The following VPS37B variants were observed in gnomAD, a reference collection of about 807,000 sequenced individuals.
The protein encoded by VPS37B is vacuolar protein sorting-associated protein 37B.
VPS37B carries 11 observed loss-of-function variants against 21.2 expected under a neutral mutation model. The observed-to-expected ratio is 0.52, with a 90% CI of 0.33 to 0.86. The LOEUF (loss-of-function observed/expected upper bound fraction) is 0.86. Ranked by LOEUF, VPS37B falls within the 40% of genes least tolerant of loss-of-function variation. The probability of loss-of-function intolerance (pLI) is 0.03; values close to 1 mark genes in which losing one functional copy is unlikely to be tolerated. For missense variants in VPS37B, 389 were observed against 374.8 expected, an observed-to-expected ratio of 1.04 and a Z score of -0.31; for synonymous variants, 175 against 159.6, an observed-to-expected ratio of 1.10 and a Z score of -0.73.
rs2033904706 is a variant in VPS37B, at chr12:122,866,633, A to C, written c.*483T>G. ...ATTCAGTGAGCAACAACGCAGCCAC[A>C]GGTGGTGGCCCAGCCACGGCGCTCT... On this transcript the variant is annotated 3_prime_UTR_variant, in exon 4 of 4. Coordinates refer to ENST00000267202, the MANE Select transcript of VPS37B (RefSeq NM_024667.3). The C allele has an allele frequency of 6.5e-6, 1 of 153,068 alleles. No individual in the cohort carries two copies. 9.5% of individuals were successfully genotyped at this position (153,068 alleles called of 1,614,324 possible). A position where few individuals can be genotyped will look rare whatever the true frequency, so the allele number is the denominator to read the frequency against.
At chr12:122,869,109 G>A (rs951294136) in intron 2 of VPS37B, among the ~76,000 whole-genome samples, 1 of 152,218 alleles carries the variant, frequency 6.6e-6, no homozygotes, top group African/African-American at 2.4e-5. Context: ...CCCTGCTCAG[G>A]TCTGTGAATC....
At chr12:122,893,360 G>A (rs1325784209) in intron 1 of VPS37B, among the ~76,000 whole-genome samples, 1 of 152,198 alleles carries the variant, frequency 6.6e-6, no homozygotes, top group Non-Finnish European at 1.5e-5. Flanking sequence ...GGCAGGTGAA[G>A]TGACTTGCCT....
chr12:122,870,866 G>C (rs375877214), intron 2 of VPS37B, 24 bp downstream of exon 2: 1 of 1,593,766 alleles, frequency 6.3e-7, no homozygotes, highest in Non-Finnish European at 8.6e-7. Context: ...CTTTATTCTC[G>C]AATGATCACC....
chr12:122,876,124 A>G (rs1425618520), intron 1 of VPS37B: 1 of 152,234 alleles, frequency 6.6e-6, no homozygotes, highest in Non-Finnish European at 1.5e-5. Flanking sequence ...TGGCTTGTCT[A>G]AACTTATTTC....
At chr12:122,882,052 A>G (rs769840182) in intron 1 of VPS37B, 1 of 152,232 alleles carries the variant, frequency 6.6e-6, no homozygotes, top group Non-Finnish European at 1.5e-5. Flanking sequence ...AATCACATTT[A>G]GCAAAATTCA....
In VPS37B at chr12:122,867,857, C is replaced by T. The variant is rs1022655615; in HGVS notation, c.367-250G>A. 1.3e-5 allele frequency among the ~76,000 whole-genome samples: 2 copies of T among 152,226 alleles called. No individual in the cohort carries two copies. Among genetic ancestry groups the T allele is most frequent in the African/African-American group, 4.8e-5 (2 of 41,462 alleles). ...ACCACCAGCGTGACAGGCAGAGGAG[C>T]TGGCCTTTGGGTGAGGGCTCCGACT... On this transcript the variant is annotated intron_variant, in intron 3 of 3. Coordinates refer to ENST00000267202, the MANE Select transcript of VPS37B (RefSeq NM_024667.3). This position sits in a 1 kb window ranked among gnomAD's most constrained non-coding sequence, Gnocchi z 5.5.
At chr12:122,870,650 CACCTGAGCCCAGGAGGTCG>C in intron 2 of VPS37B, 1 of 377,314 alleles carries the variant, frequency 2.7e-6, no homozygotes. Flanking sequence ...ACAGGAGGAT[CACCTGAGCCCAGGAGGTCG>C]TGCTGAGCCA....
At chr12:122,875,945 G>C (rs190896133) in intron 1 of VPS37B, 1 of 151,624 alleles carries the variant, frequency 6.6e-6, no homozygotes, top group African/African-American at 2.4e-5. Context: ...CCAACCTCTT[G>C]ATCATTCTCA....
At position 122,895,838 on chromosome 12, in the gene VPS37B, A is replaced by T. The variant is rs2034484177; in HGVS notation, c.111+114T>A. ...CCCCAAGCGCCCCCATTTCTAGCCCAGTCCCCTCAACACGACCGGAGGCGC... is the reference window on the plus strand; with the variant it reads ...CCCCAAGCGCCCCCATTTCTAGCCCTGTCCCCTCAACACGACCGGAGGCGC... On this transcript the variant is annotated intron_variant, in intron 1 of 3. Coordinates refer to ENST00000267202, the MANE Select transcript of VPS37B (RefSeq NM_024667.3). The T allele has an allele frequency of 8.6e-6, 7 of 818,084 alleles. No homozygotes were observed. In the Admixed American group the frequency reaches 1.5e-4, roughly 18 times the overall value. The allele number at this position is 818,084 out of a possible 1,614,324, so 50.7% of individuals were successfully genotyped here. A position where few individuals can be genotyped will look rare whatever the true frequency, so the allele number is the denominator to read the frequency against.
intron 1 of VPS37B, chr12:122,879,355 T>A (rs1222100314): frequency 6.6e-6 from 1 of 152,438 alleles, no homozygotes; most frequent in East Asian, 1.9e-4. Flanking sequence ...GATTCAGCAA[T>A]GAGGATCAAC....
rs1239862118 is a variant in VPS37B, at chr12:122,896,045, G to A, written c.18C>T (p.Ser6=). 5 of 1,583,114 alleles carry A rather than the reference G, an allele frequency of 3.2e-6. No homozygotes were observed. Among genetic ancestry groups the A allele is most frequent in the South Asian group, 1.1e-5 (1 of 89,318 alleles). The stretch of plus-strand genomic sequence containing the variant: ...GCGACAGCCCGGCGAACCGGGCTTC[G>A]CTCCCGGCGCCCGCCATCCCCACGT... The part of the protein sequence containing the change: MAGAG[S]EARFAGLSLV... Residue 6 remains serine (S), a synonymous_variant, in exon 1 of 4, where the codon AGC becomes AGT. Coordinates refer to ENST00000267202, the MANE Select transcript of VPS37B (RefSeq NM_024667.3).
intron 1 of VPS37B, chr12:122,876,291 G>A (rs982801848): frequency 6.6e-6 from 1 of 152,136 alleles, no homozygotes; most frequent in Admixed American, 6.5e-5. Flanking sequence ...GCATAACTTT[G>A]TAGAGAAAGG....
chr12:122,878,489 C>T (rs549998989), intron 1 of VPS37B: 1 of 152,346 alleles, frequency 6.6e-6, no homozygotes, highest in South Asian at 2.1e-4. Context: ...GGTGTGCCCC[C>T]CTCCCCCAAA....
intron 1 of VPS37B, chr12:122,889,160 A>C (rs1225971490): frequency 6.5e-6 from 1 of 152,838 alleles, no homozygotes; most frequent in Non-Finnish European, 1.5e-5. Flanking sequence ...TGGGGGACAC[A>C]GGGAAGTGAC....
chr12:122,867,352 G>A lies in VPS37B; in HGVS notation c.622C>T (p.Pro208Ser), dbSNP rs1294849762. 8 of 1,584,574 alleles carry A rather than the reference G, an allele frequency of 5.0e-6. No individual in the cohort carries two copies. Among genetic ancestry groups the A allele is most frequent in the Non-Finnish European group, 6.9e-6 (8 of 1,166,106 alleles). ...GPPAVAPRRI[P>S]PPPPPVPAGR... ...GCAGGCACCGGGGGTGGTGGGGGGG[G>A]GATGCGCCGAGGTGCAACGGCAGGA... Residue 208 changes from proline (P) to serine (S), a missense_variant, in exon 4 of 4, where the codon CCC (proline) becomes TCC (serine). Pro to Ser is a moderately conservative substitution (Grantham distance 74). Coordinates refer to ENST00000267202, the MANE Select transcript of VPS37B (RefSeq NM_024667.3). The surrounding 1 kb of genome is among the most constrained non-coding windows in gnomAD (Gnocchi z 5.5).
rs906695972 is a variant in VPS37B, at chr12:122,876,876, GGGCAGA to G, written c.112-5821_112-5816del. On this transcript the variant is annotated intron_variant, in intron 1 of 3. Transcript: ENST00000267202. ...GCTGCTACAAAGGAGAGGCACGCAG[GGGCAGA>G]GGCAGAGGCAGGAGACCGCCTGCAG... The G allele has an allele frequency of 3.3e-5, 5 of 152,358 alleles. No homozygotes were observed. In the East Asian group the frequency reaches 7.7e-4, roughly 23 times the overall value. The allele number at this position is 152,358 out of a possible 1,614,324, so 9.4% of individuals were successfully genotyped here.
In VPS37B at chr12:122,867,537, C is replaced by T. The variant is rs752693215; in HGVS notation, c.437G>A (p.Arg146Gln). The change falls in exon 4 of 4, where the codon CGG becomes CAG. Residue 146 changes from arginine (R) to glutamine (Q), a missense_variant. By Grantham distance (43) the Arg-to-Gln change is conservative. Transcript: ENST00000267202. The surrounding 1 kb of genome is among the most constrained non-coding windows in gnomAD (Gnocchi z 5.5). The stretch of plus-strand genomic sequence containing the variant: ...CACCCGTCGCATGTGGGCCAGTTTC[C>T]GTTTGCTCTGATAGACATCAATGAA... ...DSFIDVYQSK[R>Q]KLAHMRRVKI... 8 of 1,614,052 alleles carry T rather than the reference C, an allele frequency of 5.0e-6. No homozygotes were observed. Among genetic ancestry groups the T allele is most frequent in the Non-Finnish European group, 4.2e-6 (5 of 1,180,020 alleles).
intron 2 of VPS37B, 32 bp downstream of exon 2, chr12:122,870,856 CTT>C (rs1366303917): frequency 6.3e-7 from 1 of 1,588,190 alleles, no homozygotes; most frequent in Non-Finnish European, 8.6e-7. Context: ...TCTCTCAACT[CTT>C]TATTCTCGAA....
chr12:122,871,942 C>T (rs2034045407), intron 1 of VPS37B: 1 of 985,516 alleles, frequency 1.0e-6, no homozygotes, highest in Non-Finnish European at 1.2e-6. Flanking sequence ...CGCCACCTCA[C>T]TTTCCTTCCA....
Sources: allele counts gnomAD v4.1 joint callset (sites outside exome capture counted in the v4.1 genomes callset), GRCh38; gene constraint gnomAD v4.1.1; non-coding constraint Gnocchi (gnomAD v3.1); transcripts MANE v1.5; gene names NCBI Gene and HGNC (gene_info 2026-07-23, HGNC 2026-07-21).